Variants in AGAP9 observed in about 807,000 individuals in gnomAD.
AGAP9 encodes ArfGAP with GTPase domain, ankyrin repeat and PH domain 9.
In AGAP9, 23 loss-of-function variants were observed where a neutral mutation model predicts 55.6. That is an observed-to-expected ratio of 0.41 (90% CI 0.30 to 0.59). The LOEUF is 0.59. Ranked by LOEUF, AGAP9 falls within the 20% of genes least tolerant of loss-of-function variation. AGAP9 has a pLI of 0.25. For missense variants in AGAP9, 309 were observed against 808.1 expected (o/e 0.38, Z 7.49); for synonymous variants, 120 against 305.0 (o/e 0.39, Z 6.32).
At chr10:47,511,183 T>C (rs1840614541) in intron 4 of AGAP9, among the ~76,000 whole-genome samples, 1 of 138,066 alleles carries the variant, frequency 7.2e-6, no homozygotes, top group Non-Finnish European at 1.5e-5. Context: ...CACCTCGTGA[T>C]CTGCCTGCCT....
Position 47,502,277 on chromosome 10 carries a change from T to G in AGAP9, c.1852A>C (p.Thr618Pro), listed in dbSNP as rs1490583749. Residue 618 changes from threonine (T) to proline (P), a missense_variant, in exon 8 of 8, where the codon ACC (threonine) becomes CCC (proline). Thr to Pro is a conservative substitution (Grantham distance 38, BLOSUM62 -1). Transcript: ENST00000452145. Reference sequence around the variant, plus strand: ...GTGCAGCCGTCTCCCTCCCCACAGGTCTCGTTCACCTCCTCACGGGAGCCA... The same window carrying G: ...GTGCAGCCGTCTCCCTCCCCACAGGGCTCGTTCACCTCCTCACGGGAGCCA... The part of the protein sequence containing the change: ...AHGSREEVNE[T>P]CGEGDGCTAL... The G allele has an allele frequency of 6.3e-7, 1 of 1,598,676 alleles. No individual in the cohort carries two copies. Among genetic ancestry groups the G allele is most frequent in the African/African-American group, 1.4e-5 (1 of 71,672 alleles).
At position 47,521,410 on chromosome 10, in the gene AGAP9, T is replaced by C. The variant is rs1840832904; in HGVS notation, c.293-843A>G. Reference sequence around the variant, plus strand: ...AAAGCAATCCTTAAATATCTTGAAATGTGAAGATAGTACTTCCAAGTTACA... The same window carrying C: ...AAAGCAATCCTTAAATATCTTGAAACGTGAAGATAGTACTTCCAAGTTACA... On this transcript the variant is annotated intron_variant, in intron 2 of 7. Transcript: ENST00000452145. Among the ~76,000 whole-genome samples, 2 of 140,230 alleles carry C rather than the reference T, an allele frequency of 1.4e-5. 1 individual carries two copies. Among genetic ancestry groups the C allele is most frequent in the Non-Finnish European group, 3.1e-5 (2 of 65,188 alleles). The allele number at this position is 140,230 out of a possible 152,430, so 92.0% of individuals were successfully genotyped here.
Position 47,513,462 on chromosome 10 carries a change from C to G in AGAP9, c.397-3191G>C, listed in dbSNP as rs1316904334. ...AATATTGTGAAAATGACCATACTGC[C>G]AAAAGCAATCTACAAATTCAATGCA... On this transcript the variant is annotated intron_variant, in intron 4 of 7. Transcript: ENST00000452145. Among the ~76,000 whole-genome samples, 26 of 142,074 alleles carry G rather than the reference C, an allele frequency of 1.8e-4. 5 individuals are homozygous for G. Among genetic ancestry groups the G allele is most frequent in the African/African-American group, 6.4e-4 (25 of 39,134 alleles). 93.2% of individuals were successfully genotyped at this position (142,074 alleles called of 152,430 possible).
intron 4 of AGAP9, among the ~76,000 whole-genome samples, chr10:47,516,215 A>T (rs1203403576): frequency 1.4e-4 from 11 of 77,134 alleles, no homozygotes; most frequent in Admixed American, 7.9e-4. Flanking sequence ...ATAAAAAAAA[A>T]ATTCTCAAGA....
chr10:47,522,168 C>G (rs1478849612), intron 2 of AGAP9, among the ~76,000 whole-genome samples: 1 of 141,784 alleles, frequency 7.1e-6, no homozygotes, highest in African/African-American at 2.6e-5. Flanking sequence ...GCAACAAACA[C>G]TCTTACAGGG....
intron 5 of AGAP9, among the ~76,000 whole-genome samples, chr10:47,508,946 C>A (rs1380810595): frequency 7.7e-6 from 1 of 129,312 alleles, no homozygotes. Flanking sequence ...ACTACTGATT[C>A]ATGATAAAAC....
At chr10:47,516,512 A>C (rs1270583998) in intron 4 of AGAP9, among the ~76,000 whole-genome samples, 8 of 133,254 alleles carry the variant, frequency 6.0e-5, no homozygotes, top group African/African-American at 2.0e-4. Flanking sequence ...AAATGTGTTC[A>C]AGTACAACTA....
At chr10:47,519,454 T>G (rs1840779663) in intron 3 of AGAP9, among the ~76,000 whole-genome samples, 2 of 113,736 alleles carry the variant, frequency 1.8e-5, no homozygotes, top group South Asian at 2.8e-4. Flanking sequence ...GGCAACAGAG[T>G]GAGACTCCAT....
At chr10:47,521,288 A>G (rs1432739427) in intron 2 of AGAP9, among the ~76,000 whole-genome samples, 10,478 of 130,364 alleles carry the variant, frequency 0.08, 2,368 homozygotes, top group African/African-American at 0.3. Flanking sequence ...CAGGCTTTCC[A>G]AACATCACCA....
In AGAP9 at chr10:47,502,710, C is replaced by T. The variant is rs1476853210; in HGVS notation, c.1419G>A (p.Met473Ile). 2 of 1,608,136 alleles carry T rather than the reference C, an allele frequency of 1.2e-6. No homozygotes were observed. Among genetic ancestry groups the T allele is most frequent in the East Asian group, 2.3e-5 (1 of 43,914 alleles). ...AGTCCACACAGTGGGCGTTCCCACG[C>T]ATGTTTTGGATCGACTGCAGGGCCA... ...EAMALQSIQN[M>I]RGNAHCVDCE... is the part of the protein sequence containing the mutation. The change falls in exon 8 of 8, where the codon ATG becomes ATA. Residue 473 changes from methionine to isoleucine, a missense_variant. Transcript: ENST00000452145.
chr10:47,502,320 G>T lies in AGAP9; in HGVS notation c.1809C>A (p.Ala603=). Residue 603 remains alanine (A), a synonymous_variant, in exon 8 of 8, where the codon GCC becomes GCA. Transcript: ENST00000452145. ...GGGAGCCATGTGCCAGCAGCAGGATGGCTGTCTGCAGGTCCTCATCAGTGG... is the reference window on the plus strand; with the variant it reads ...GGGAGCCATGTGCCAGCAGCAGGATTGCTGTCTGCAGGTCCTCATCAGTGG... ...RATTDEDLQT[A]ILLLAHGSRE... is the part of the protein sequence containing the mutation. The T allele has an allele frequency of 6.2e-7, 1 of 1,602,994 alleles. No homozygotes were observed. Among genetic ancestry groups the T allele is most frequent in the Non-Finnish European group, 8.5e-7 (1 of 1,177,438 alleles).
chr10:47,506,735 G>C (rs1840486861), intron 6 of AGAP9, among the ~76,000 whole-genome samples: 1 of 145,194 alleles, frequency 6.9e-6, no homozygotes, highest in African/African-American at 2.5e-5. Flanking sequence ...CGCCTCCCAA[G>C]TTCAAGCGGT....
intron 2 of AGAP9, among the ~76,000 whole-genome samples, chr10:47,522,174 C>T (rs1193034085): frequency 2.1e-5 from 3 of 141,716 alleles, no homozygotes; most frequent in African/African-American, 5.3e-5. Flanking sequence ...AACACTCTTA[C>T]AGGGAAGTCT....
At position 47,502,867 on chromosome 10, in the gene AGAP9, C is replaced by T. The variant is rs1840383885; in HGVS notation, c.1262G>A (p.Trp421Ter). The T allele has an allele frequency of 6.2e-7, 1 of 1,604,540 alleles. No individual in the cohort carries two copies. ...CTCATACGTCGTGGCTTCAAAGTGC[C>T]ACGTTTGGCCAGTGGCAGACACAAT... The part of the protein sequence containing the change: ...FMIVSATGQT[W>*]HFEATTYEER... The change falls in exon 8 of 8, where the codon TGG becomes TAG. Residue 421 changes from tryptophan to a stop codon, truncating the protein, a stop_gained. Transcript: ENST00000452145. LOFTEE classifies it high-confidence loss of function.
Position 47,506,716 on chromosome 10 carries a change from T to C in AGAP9, c.533+832A>G, listed in dbSNP as rs1298031675. On this transcript the variant is annotated intron_variant, in intron 6 of 7. Transcript: ENST00000452145. ...GTGCAATGGCACGATCTCAGCTCTC[T>C]GCAACCTCCGCCTCCCAAGTTCAAG... is the stretch of plus-strand genomic sequence containing the variant. 6.9e-5 allele frequency among the ~76,000 whole-genome samples: 10 copies of C among 144,326 alleles called. 2 individuals carry two copies. The highest frequency in any genetic ancestry group is 7.6e-5 in the Non-Finnish European group (5 of 65,700). The allele number at this position is 144,326 out of a possible 152,430, so 94.7% of individuals were successfully genotyped here. A position where few individuals can be genotyped will look rare whatever the true frequency, so the allele number is the denominator to read the frequency against.
Position 47,502,181 on chromosome 10 carries a change from G to T in AGAP9, c.1948C>A (p.Pro650Thr). ...EQLLTGWTSW[P>T]EMPTGTQR The stretch of plus-strand genomic sequence containing the variant: ...CGCTGTGTTCCCGTGGGCATCTCGG[G>T]CCATGACGTCCACCCCGTCAGGAGC... Residue 650 changes from proline (P) to threonine (T), a missense_variant, in exon 8 of 8, where the codon CCC becomes ACC. Physicochemically the swap from Pro to Thr is conservative, Grantham distance 38 (BLOSUM62 -1). Coordinates refer to ENST00000452145, the MANE Select transcript of AGAP9 (RefSeq NM_001190810.1). The T allele has an allele frequency of 6.5e-7, 1 of 1,547,186 alleles. No individual in the cohort carries two copies. Among genetic ancestry groups the T allele is most frequent in the Non-Finnish European group, 8.7e-7 (1 of 1,144,148 alleles).
chr10:47,502,636 A>G lies in AGAP9; in HGVS notation c.1493T>C (p.Met498Thr), dbSNP rs1840378624. 13 of 1,607,452 alleles carry G rather than the reference A, an allele frequency of 8.1e-6. No individual in the cohort carries two copies. The South Asian group carries it at 1.1e-4, about 14-fold the overall frequency. The part of the protein sequence containing the change: ...KWASLNLGVL[M>T]CIECSGIHRS... Reference sequence around the variant, plus strand: ...GTGGATACCTGAGCATTCAATACACATGAGGACTCCCAAGTTCAAACTGGC... The same window carrying G: ...GTGGATACCTGAGCATTCAATACACGTGAGGACTCCCAAGTTCAAACTGGC... Residue 498 changes from methionine to threonine, a missense_variant, in exon 8 of 8, where the codon ATG becomes ACG. Transcript: ENST00000452145.
Position 47,516,745 on chromosome 10 carries a change from A to G in AGAP9, c.396+1078T>C, listed in dbSNP as rs1223725179. The stretch of plus-strand genomic sequence containing the variant: ...AAAAGGAACAGATGTGTTTTTGCAG[A>G]TGGAAAATATCTTTGAAAGGCATGT... On this transcript the variant is annotated intron_variant, in intron 4 of 7. Transcript: ENST00000452145. Among the ~76,000 whole-genome samples, 138 of 132,240 alleles carry G rather than the reference A, an allele frequency of 1.0e-3. 8 individuals carry two copies. The highest frequency in any genetic ancestry group is 4.1e-3 in the African/African-American group (126 of 30,726). The allele number at this position is 132,240 out of a possible 152,430, so 86.8% of individuals were successfully genotyped here.
chr10:47,506,854 T>C (rs1213748338), intron 6 of AGAP9, among the ~76,000 whole-genome samples: 3 of 135,976 alleles, frequency 2.2e-5, no homozygotes, highest in Non-Finnish European at 4.8e-5. Context: ...TTAGCCAGGA[T>C]GGTCTCGATC....
Sources: allele counts gnomAD v4.1 joint callset (sites outside exome capture counted in the v4.1 genomes callset), GRCh38; gene constraint gnomAD v4.1.1; transcripts MANE v1.5; gene names NCBI Gene and HGNC (gene_info 2026-07-23, HGNC 2026-07-21).